IPO4: variants seen among roughly 807,000 people sequenced by gnomAD.
IPO4 encodes importin 4.
A neutral mutation model predicts 133.5 loss-of-function variants in IPO4; 91 were observed. That is an observed-to-expected ratio of 0.68 (90% CI 0.58 to 0.81). The LOEUF is 0.81. IPO4 is among the 30% of genes least tolerant of loss of function. IPO4 has a pLI of 0.00. For synonymous variants in IPO4, 607 were observed against 581.6 expected (o/e 1.04, Z -0.63); for missense variants, 1,279 against 1,386.2 (o/e 0.92, Z 1.23).
At chr14:24,186,815 A>T in intron 8 of IPO4, 24 bp from the exon 9 acceptor site, 1 of 1,613,180 alleles carries the variant, frequency 6.2e-7, no homozygotes. Flanking sequence ...AATAAAAATC[A>T]GCGACAGGGA....
rs186031064 is a variant in IPO4 at position 24,185,818 on chromosome 14, C to T, written c.1169+43G>A. Reference sequence around the variant, plus strand: ...AGCGTAAACCAGGACAGCCATGGTCCTCCCTGTGGGCAACCCTCACCCTGG... The same window carrying T: ...AGCGTAAACCAGGACAGCCATGGTCTTCCCTGTGGGCAACCCTCACCCTGG... On this transcript the variant is annotated intron_variant, in intron 12 of 29. Transcript: ENST00000354464. 6.3e-5 allele frequency: 91 copies of T among 1,451,430 alleles called. 1 individual carries two copies. In the African/African-American group the frequency reaches 1.1e-3, roughly 18 times the overall value. The allele number at this position is 1,451,430 out of a possible 1,614,324, so 89.9% of individuals were successfully genotyped here. A position where few individuals can be genotyped will look rare whatever the true frequency, so the allele number is the denominator to read the frequency against.
In IPO4 at chr14:24,186,984, C is replaced by A. The variant is rs2138818790; in HGVS notation, c.655-5G>T. 2 of 1,613,782 alleles carry A rather than the reference C, an allele frequency of 1.2e-6. No homozygotes were observed. Among genetic ancestry groups the A allele is most frequent in the Non-Finnish European group, 1.7e-6 (2 of 1,179,672 alleles). Reference sequence around the variant, plus strand: ...AAGGGCCTCACAGGCCTTTGCCTGACAGACAAACAAGGCACAAGGTTACCA... The same window carrying A: ...AAGGGCCTCACAGGCCTTTGCCTGAAAGACAAACAAGGCACAAGGTTACCA... On this transcript the variant is annotated splice_polypyrimidine_tract_variant and splice_region_variant and intron_variant, in intron 7 of 29. Transcript: ENST00000354464.
intron 16 of IPO4, 54 bp downstream of exon 16, chr14:24,184,596 G>C: frequency 1.4e-6 from 2 of 1,452,252 alleles, no homozygotes; most frequent in Non-Finnish European, 1.9e-6. Context: ...AACACCAGGT[G>C]AGCACCAGCC....
intron 11 of IPO4, 41 bp downstream of exon 11, chr14:24,186,088 A>G: frequency 6.2e-7 from 1 of 1,610,768 alleles, no homozygotes; most frequent in Admixed American, 1.7e-5. Context: ...GACTAGGCAC[A>G]CTTGGAGGTA....
intron 29 of IPO4, 55 bp downstream of exon 29, chr14:24,180,634 G>C (rs780382651): frequency 6.2e-7 from 1 of 1,612,812 alleles, no homozygotes; most frequent in Non-Finnish European, 8.5e-7. Context: ...CAGGCTCTCT[G>C]AGCCCTGCCA....
chr14:24,185,115 C>A, intron 14 of IPO4, 68 bp downstream of exon 14: 1 of 1,604,610 alleles, frequency 6.2e-7, no homozygotes, highest in Non-Finnish European at 8.5e-7. Context: ...GGGAGATGCA[C>A]ATCCTGTACA....
chr14:24,183,680 G>A lies in IPO4; in HGVS notation c.1986-13C>T. ...CTCCACGCTGTACCTAGAGTAAGAA[G>A]GGGAGGCAGTGGTGATCAGGCACCA... On this transcript the variant is annotated splice_polypyrimidine_tract_variant and intron_variant, in intron 19 of 29. Transcript: ENST00000354464. 1 of 1,614,152 alleles carries A rather than the reference G, an allele frequency of 6.2e-7. No individual in the cohort carries two copies. The highest frequency in any genetic ancestry group is 8.5e-7 in the Non-Finnish European group (1 of 1,180,020).
chr14:24,180,613 C>G, intron 29 of IPO4, 41 bp from the exon 30 acceptor site: 2 of 1,611,714 alleles, frequency 1.2e-6, no homozygotes, highest in South Asian at 2.2e-5. Context: ...GCTCCTAAAG[C>G]CTCGCTGCCC....
intron 24 of IPO4, 76 bp downstream of exon 24, chr14:24,182,716 C>T (rs1158520372): frequency 6.4e-7 from 1 of 1,555,788 alleles, no homozygotes; most frequent in African/African-American, 1.4e-5. Context: ...AGGCCAAGCC[C>T]AAATACACTG....
In IPO4 at chr14:24,187,137, A is replaced by C; in HGVS notation, c.602T>G (p.Met201Arg). 1 of 1,613,822 alleles carries C rather than the reference A, an allele frequency of 6.2e-7. No individual in the cohort carries two copies. Among genetic ancestry groups the C allele is most frequent in the Non-Finnish European group, 8.5e-7 (1 of 1,179,808 alleles). Residue 201 changes from methionine to arginine, a missense_variant, in exon 7 of 30, where the codon ATG becomes AGG. Physicochemically the swap from Met to Arg is moderately conservative, Grantham distance 91. Transcript: ENST00000354464. ...LSTEDVPLAR[M>R]LVPKLIMAMQ... ...GGCCATGATCAGCTTGGGCACCAAC[A>C]TCCGAGCGAGAGGCTGAGGGACACA...
intron 25 of IPO4, 52 bp from the exon 26 acceptor site, chr14:24,182,215 G>A (rs779176568): frequency 2.5e-6 from 4 of 1,613,748 alleles, no homozygotes; most frequent in Non-Finnish European, 3.4e-6. Flanking sequence ...CAAGGATAAA[G>A]GCTGTGGTGG....
At position 24,181,918 on chromosome 14, in the gene IPO4, A is replaced by C. The variant is rs745525274; in HGVS notation, c.2807+37T>G. Reference sequence around the variant, plus strand: ...CTGCAAGCCCTGGGGACACTCCCCCAACCTCCAGTCCCTCCCGTCCTGCGA... The same window carrying C: ...CTGCAAGCCCTGGGGACACTCCCCCCACCTCCAGTCCCTCCCGTCCTGCGA... On this transcript the variant is annotated intron_variant, in intron 26 of 29. Coordinates refer to ENST00000354464, the MANE Select transcript of IPO4 (RefSeq NM_024658.4). 4 of 1,607,860 alleles carry C rather than the reference A, an allele frequency of 2.5e-6. No individual in the cohort carries two copies. The East Asian group carries it at 8.9e-5, about 36-fold the overall frequency.
At chr14:24,188,663 T>C (rs1375492906) in intron 1 of IPO4, 25 bp from the exon 2 acceptor site, 64 of 1,603,842 alleles carry the variant, frequency 4.0e-5, no homozygotes, top group Non-Finnish European at 4.9e-5. Flanking sequence ...GGGGTGAGAG[T>C]TGGGCCTTTC....
rs760887997 is a variant in IPO4, at chr14:24,187,117, T to C, written c.622A>G (p.Met208Val). 2 of 1,613,982 alleles carry C rather than the reference T, an allele frequency of 1.2e-6. No homozygotes were observed. The highest frequency in any genetic ancestry group is 2.7e-5 in the African/African-American group (2 of 75,030). Reference sequence around the variant, plus strand: ...ATGGGGATCAGAGTCTGCATGGCCATGATCAGCTTGGGCACCAACATCCGA... The same window carrying C: ...ATGGGGATCAGAGTCTGCATGGCCACGATCAGCTTGGGCACCAACATCCGA... Reference protein sequence around the residue: ...LARMLVPKLIMAMQTLIPIDE... With the variant: ...LARMLVPKLIVAMQTLIPIDE... The change falls in exon 7 of 30, where the codon ATG (methionine) becomes GTG (valine). Residue 208 changes from methionine to valine, a missense_variant. By Grantham distance (21) the Met-to-Val change is conservative (BLOSUM62 1). This residue lies in a region of IPO4 where 695 missense variants were observed against 704.1 expected (regional missense o/e 0.99). Transcript: ENST00000354464.
chr14:24,182,952 C>A, intron 23 of IPO4, 24 bp downstream of exon 23: 1 of 1,613,332 alleles, frequency 6.2e-7, no homozygotes, highest in Non-Finnish European at 8.5e-7. Context: ...CCTCTCCTTC[C>A]CGAAGCCCAC....
chr14:24,185,979 G>T lies in IPO4; in HGVS notation c.1060-9C>A. The T allele has an allele frequency of 6.2e-7, 1 of 1,612,502 alleles. No individual in the cohort carries two copies. The highest frequency in any genetic ancestry group is 8.5e-7 in the Non-Finnish European group (1 of 1,178,568). On this transcript the variant is annotated splice_polypyrimidine_tract_variant and intron_variant, in intron 11 of 29. Transcript: ENST00000354464. ...TCTTCCAACATGGGCATCTAGGGAA[G>T]CATGTGGCACGCTTCTGAAACCCCA... is the stretch of plus-strand genomic sequence containing the variant.
chr14:24,182,190 C>G, intron 25 of IPO4, 27 bp from the exon 26 acceptor site: 1 of 1,614,034 alleles, frequency 6.2e-7, no homozygotes, highest in Non-Finnish European at 8.5e-7. Context: ...GGAAGGAGTA[C>G]AGATCAGCCT....
At position 24,185,555 on chromosome 14, in the gene IPO4, T is replaced by TG. The variant is rs2039207435; in HGVS notation, c.1181dup (p.Leu395ThrfsTer141). ...GGCCCTTGCACACAATCTGCAGCAG[T>TG]GGGGGCAGCAGTCTGGATGGGGCAA... On this transcript the variant is annotated frameshift_variant, in exon 13 of 30. Coordinates refer to ENST00000354464, the MANE Select transcript of IPO4 (RefSeq NM_024658.4). LOFTEE classifies it high-confidence loss of function. The TG allele has an allele frequency of 8.1e-6, 13 of 1,613,796 alleles. No individual in the cohort carries two copies. The highest frequency in any genetic ancestry group is 1.0e-5 in the Non-Finnish European group (12 of 1,179,932).
At chr14:24,185,750 G>A in intron 12 of IPO4, 111 bp downstream of exon 12, 2 of 993,194 alleles carry the variant, frequency 2.0e-6, no homozygotes, top group Admixed American at 3.9e-5. Context: ...GGACACTTTT[G>A]ATAATGGGGG....
Sources: gnomAD v4.1 joint callset for allele counts on GRCh38, gnomAD v4.1.1 for gene constraint, gnomAD v4.1.1 regional missense constraint, MANE v1.5 for transcripts, NCBI Gene and HGNC (gene_info 2026-07-23, HGNC 2026-07-21) for gene names.